PRDM1: variants seen among roughly 807,000 people sequenced by gnomAD.
PRDM1 encodes the protein PR/SET domain 1.
PRDM1 carries 13 observed loss-of-function variants against 62.8 expected under a neutral mutation model. The ratio of observed to expected loss-of-function variants is 0.21; its 90% CI spans 0.13 to 0.33. PRDM1 has a LOEUF of 0.33. PRDM1 is among the 10% of genes least tolerant of loss of function. PRDM1 has a pLI of 1.00. For synonymous variants in PRDM1, 396 were observed against 417.6 expected, an observed-to-expected ratio of 0.95 and a Z score of 0.63; for missense variants, 895 against 1,058.8, an observed-to-expected ratio of 0.85 and a Z score of 2.15.
chr6:105,998,915 ATATATATATATATATATATTTT>A (rs1212998730), intron 1 of PRDM1, among the ~76,000 whole-genome samples: 859 of 6,140 alleles, frequency 0.14, 9 homozygotes, highest in African/African-American at 0.22. Flanking sequence ...ATATATATAT[ATATATATATATATATATATTTT>A]TTTTTTTTTT....
intron 2 of PRDM1, among the ~76,000 whole-genome samples, chr6:106,095,052 A>C (rs543827948): frequency 1.3e-5 from 2 of 148,908 alleles, no homozygotes; most frequent in East Asian, 3.9e-4. Flanking sequence ...TGAAAAAAAA[A>C]AAACACACAC....
rs564874559 is a variant in PRDM1, at chr6:105,994,551, T to G, written c.-67+912T>G. Among the ~76,000 whole-genome samples the G allele has an allele frequency of 3.4e-4, 51 of 152,170 alleles. No homozygotes were observed. Among genetic ancestry groups the G allele is most frequent in the African/African-American group, 1.2e-3 (49 of 41,540 alleles). On this transcript the variant is annotated intron_variant, in intron 1 of 6. Transcript: ENST00000652320. The surrounding 1 kb of genome is among the most constrained non-coding windows in gnomAD (Gnocchi z 4.1). ...GGGGATGGAGGTGGGGACGAGAAGT[T>G]TCCGAATGCTGAGTTCATTTGGACG...
At chr6:106,015,662 T>C (rs554957702) in intron 1 of PRDM1, among the ~76,000 whole-genome samples, 1 of 152,330 alleles carries the variant, frequency 6.6e-6, no homozygotes, top group South Asian at 2.1e-4. Context: ...TATCTGTTTA[T>C]ATCATTCTGA....
chr6:106,036,685 C>T (rs936946101), intron 1 of PRDM1, among the ~76,000 whole-genome samples: 1 of 151,938 alleles, frequency 6.6e-6, no homozygotes, highest in African/African-American at 2.4e-5. Context: ...TACAGCCGGG[C>T]GTGGTGGCTC....
intron 1 of PRDM1, among the ~76,000 whole-genome samples, chr6:106,072,940 T>C (rs1357384964): frequency 6.6e-6 from 1 of 152,134 alleles, no homozygotes; most frequent in East Asian, 1.9e-4. Context: ...AGTAATGATG[T>C]TACAAGGGAG....
intron 1 of PRDM1, among the ~76,000 whole-genome samples, chr6:106,075,814 C>T (rs551355234): frequency 5.3e-5 from 8 of 152,240 alleles, no homozygotes; most frequent in South Asian, 4.1e-4. Flanking sequence ...GCCTCAGTCT[C>T]CAGAGTAGCT....
At chr6:106,067,610 AGC>A (rs1378695684) in intron 1 of PRDM1, among the ~76,000 whole-genome samples, 3 of 152,212 alleles carry the variant, frequency 2.0e-5, no homozygotes, top group African/African-American at 7.2e-5. Context: ...AAGTAAAATA[AGC>A]CAGACACGAA....
chr6:106,027,177 C>T (rs554948693), intron 1 of PRDM1, among the ~76,000 whole-genome samples: 1 of 152,278 alleles, frequency 6.6e-6, no homozygotes, highest in Admixed American at 6.5e-5. Context: ...GTTTAAAATT[C>T]GGGAAGTGCC....
chr6:106,014,708 A>G (rs1249831642), intron 1 of PRDM1, among the ~76,000 whole-genome samples: 3 of 151,424 alleles, frequency 2.0e-5, no homozygotes, highest in African/African-American at 7.3e-5. Context: ...TTAATCTATA[A>G]TCATCACATT....
chr6:106,027,020 GCCC>G (rs1259899133), intron 1 of PRDM1, among the ~76,000 whole-genome samples: 1 of 152,172 alleles, frequency 6.6e-6, no homozygotes, highest in Non-Finnish European at 1.5e-5. Flanking sequence ...CCCTCTCTCA[GCCC>G]CCAGTACTCC....
At chr6:106,074,001 G>A (rs187107726) in intron 1 of PRDM1, among the ~76,000 whole-genome samples, 18 of 152,190 alleles carry the variant, frequency 1.2e-4, no homozygotes, top group Non-Finnish European at 2.1e-4. Context: ...GCAAAATTTG[G>A]GGGGAGGGAA....
At position 106,107,417 on chromosome 6, in the gene PRDM1, TCC is replaced by T; in HGVS notation, c.2411_2412del (p.Pro804GlnfsTer17). ...SSDLPLMKLP[P>X]SNPLPLVPVK... ...CAGATCTACCCCTCATGAAGTTGCC[TCC>T]CAGCAACCCACTACCTCTGGTACCT... On this transcript the variant is annotated frameshift_variant, in exon 7 of 7. Coordinates refer to ENST00000369096, the MANE Select transcript of PRDM1 (RefSeq NM_001198.4). LOFTEE classifies it high-confidence loss of function. 8 of 1,614,062 alleles carry T rather than the reference TCC, an allele frequency of 5.0e-6. No homozygotes were observed. Among genetic ancestry groups the T allele is most frequent in the Non-Finnish European group, 5.9e-6 (7 of 1,179,998 alleles).
chr6:106,081,563 T>TA (rs1264359307), upstream of PRDM1, among the ~76,000 whole-genome samples: 6 of 152,292 alleles, frequency 3.9e-5, no homozygotes, highest in African/African-American at 1.4e-4. Flanking sequence ...GTCTTCGACT[T>TA]AGATTGGATA....
At chr6:106,099,769 A>G (rs895682455) in intron 4 of PRDM1, 2 of 574,756 alleles carry the variant, frequency 3.5e-6, no homozygotes, top group South Asian at 2.4e-5. Flanking sequence ...ATGAGGAGCT[A>G]CCTTGAGTTT....
At chr6:106,086,713 T>G in intron 1 of PRDM1, 118 bp downstream of exon 1, 1 of 931,276 alleles carries the variant, frequency 1.1e-6, no homozygotes, top group Non-Finnish European at 1.6e-6. Flanking sequence ...AGAAACATGC[T>G]TCTGCTTTAG....
upstream of PRDM1, among the ~76,000 whole-genome samples, chr6:106,047,032 G>A (rs1264304973): frequency 6.6e-6 from 1 of 152,174 alleles, no homozygotes; most frequent in Non-Finnish European, 1.5e-5. Context: ...ACTCACTTAA[G>A]AGATTGGTGC....
chr6:106,020,182 CA>C (rs371335498), intron 1 of PRDM1, among the ~76,000 whole-genome samples: 200 of 102,636 alleles, frequency 1.9e-3, no homozygotes, highest in East Asian at 5.1e-3. Flanking sequence ...GACTCTGTCT[CA>C]AAAAAAAAAA....
chr6:105,998,923 ATATATATATATTTTTTT>A (rs1333015969), intron 1 of PRDM1, among the ~76,000 whole-genome samples: 2 of 2,164 alleles, frequency 9.2e-4, no homozygotes, highest in Admixed American at 4.2e-3. Flanking sequence ...ATATATATAT[ATATATATATATTTTTTT>A]TTTTTTTTTT....
upstream of PRDM1, among the ~76,000 whole-genome samples, chr6:106,047,189 A>C (rs1011511936): frequency 6.6e-6 from 1 of 152,234 alleles, no homozygotes; most frequent in African/African-American, 2.4e-5. Context: ...AGGAAAGAAA[A>C]AGGAAGAATG....
Sources: gnomAD v4.1 joint callset for allele counts (sites outside exome capture counted in the v4.1 genomes callset) on GRCh38, gnomAD v4.1.1 for gene constraint, Gnocchi (gnomAD v3.1) non-coding constraint, MANE v1.5 for transcripts, NCBI Gene and HGNC (gene_info 2026-07-23, HGNC 2026-07-21) for gene names.